Variants in ZFYVE1 observed in about 807,000 individuals in gnomAD.
ZFYVE1 encodes zinc finger FYVE domain-containing protein 1.
ZFYVE1 carries 30 observed loss-of-function variants against 74.4 expected under a neutral mutation model. That is an observed-to-expected ratio of 0.40 (90% CI 0.30 to 0.55). ZFYVE1 has a LOEUF of 0.55. ZFYVE1 is among the 20% of genes least tolerant of loss of function. ZFYVE1 has a pLI of 0.42. For synonymous variants in ZFYVE1, 335 were observed against 385.1 expected, an observed-to-expected ratio of 0.87 and a Z score of 1.52; for missense variants, 703 against 1,011.6, an observed-to-expected ratio of 0.69 and a Z score of 4.14.
At chr14:72,973,551 T>C (rs1003292061) in intron 11 of ZFYVE1, among the ~76,000 whole-genome samples, 7 of 152,070 alleles carry the variant, frequency 4.6e-5, no homozygotes, top group Admixed American at 4.6e-4. Flanking sequence ...TCCTGTCTCT[T>C]GGAACATTAA....
At chr14:72,983,652 C>A (rs1053083647) in intron 4 of ZFYVE1, among the ~76,000 whole-genome samples, 1 of 152,050 alleles carries the variant, frequency 6.6e-6, no homozygotes, top group Non-Finnish European at 1.5e-5. Flanking sequence ...AATAGTGCCG[C>A]AATAAACATA....
At chr14:73,017,117 G>A (rs1339522105) in intron 2 of ZFYVE1, among the ~76,000 whole-genome samples, 1 of 152,016 alleles carries the variant, frequency 6.6e-6, no homozygotes, top group Non-Finnish European at 1.5e-5. Flanking sequence ...GTAAGGCCCT[G>A]TCTCAAAAGA....
chr14:72,983,436 G>A (rs1387210800), intron 4 of ZFYVE1, among the ~76,000 whole-genome samples: 2 of 141,668 alleles, frequency 1.4e-5, no homozygotes, highest in Non-Finnish European at 3.0e-5. Context: ...CCACCTATAA[G>A]TGAGAACATG....
At chr14:72,998,372 A>AC (rs1169609693) in intron 2 of ZFYVE1, 57 bp from the exon 3 acceptor site, 14 of 1,425,772 alleles carry the variant, frequency 9.8e-6, no homozygotes, top group South Asian at 1.5e-5. Flanking sequence ...CACTAGAAAC[A>AC]CCTACAAGAA....
intron 11 of ZFYVE1, among the ~76,000 whole-genome samples, chr14:72,972,481 T>C (rs1203355800): frequency 6.6e-6 from 1 of 152,196 alleles, no homozygotes; most frequent in Non-Finnish European, 1.5e-5. Flanking sequence ...AATCCAGCAA[T>C]TCCTACATCA....
intron 2 of ZFYVE1, among the ~76,000 whole-genome samples, chr14:73,013,539 T>C (rs776908966): frequency 4.0e-5 from 6 of 151,066 alleles, no homozygotes; most frequent in Non-Finnish European, 8.8e-5. Flanking sequence ...ACCCAGGTTG[T>C]AGTAAGCCGA....
intron 2 of ZFYVE1, among the ~76,000 whole-genome samples, chr14:72,999,523 G>A (rs140048012): frequency 6.6e-6 from 1 of 152,006 alleles, no homozygotes; most frequent in African/African-American, 2.4e-5. Context: ...GGAGTTGGAG[G>A]TTACAGTGAA....
intron 2 of ZFYVE1, among the ~76,000 whole-genome samples, chr14:73,020,256 T>G (rs1351467431): frequency 4.8e-5 from 1 of 20,954 alleles, no homozygotes; most frequent in Non-Finnish European, 8.6e-5. Context: ...TGAGACTCCA[T>G]CTCAAAAAAA....
At chr14:72,974,050 T>C in intron 11 of ZFYVE1, 30 bp downstream of exon 11, 1 of 1,606,470 alleles carries the variant, frequency 6.2e-7, no homozygotes, top group Non-Finnish European at 8.5e-7. Context: ...CCGCATCCAC[T>C]ACCCCCAAGA....
At chr14:72,973,443 C>T (rs765969507) in intron 11 of ZFYVE1, among the ~76,000 whole-genome samples, 3 of 151,810 alleles carry the variant, frequency 2.0e-5, no homozygotes, top group Non-Finnish European at 2.9e-5. Flanking sequence ...GAGCCAAGAT[C>T]GCACCACTGT....
rs1031224394 is a variant in ZFYVE1, at chr14:72,975,249, C to G, written c.1807-290G>C. 8 of 502,852 alleles carry G rather than the reference C, an allele frequency of 1.6e-5. No individual in the cohort carries two copies. The highest frequency in any genetic ancestry group is 9.6e-5 in the African/African-American group (5 of 52,276). 31.1% of individuals were successfully genotyped at this position (502,852 alleles called of 1,614,324 possible). ...TGACCCTAAATAACCTCTAAAGACC[C>G]CTTTTCCTCCAGATTCTTATCTGGG... is the stretch of plus-strand genomic sequence containing the variant. On this transcript the variant is annotated intron_variant, in intron 9 of 11. Coordinates refer to ENST00000556143, the MANE Select transcript of ZFYVE1 (RefSeq NM_021260.4). This position sits in a 1 kb window ranked among gnomAD's most constrained non-coding sequence, Gnocchi z 4.1.
chr14:72,982,843 A>G (rs947117510), intron 4 of ZFYVE1, among the ~76,000 whole-genome samples: 1 of 151,782 alleles, frequency 6.6e-6, no homozygotes, highest in African/African-American at 2.4e-5. Flanking sequence ...AAGAACAATT[A>G]GAACTTTTTT....
intron 2 of ZFYVE1, among the ~76,000 whole-genome samples, chr14:73,009,914 C>A (rs1170927989): frequency 6.6e-6 from 1 of 152,034 alleles, no homozygotes; most frequent in Admixed American, 6.6e-5. Flanking sequence ...TAGAGACCAG[C>A]CTGGGCAATA....
chr14:72,975,823 G>T lies in ZFYVE1; in HGVS notation c.1636-102C>A. The T allele has an allele frequency of 7.3e-7, 1 of 1,372,778 alleles. No homozygotes were observed. The allele number at this position is 1,372,778 out of a possible 1,614,324, so 85.0% of individuals were successfully genotyped here. ...TTGCACACTCACCGTGGCCAACTCA[G>T]AACCACTAACTCCCTGGCAGGGAAG... On this transcript the variant is annotated intron_variant, in intron 8 of 11. Transcript: ENST00000556143. This position sits in a 1 kb window ranked among gnomAD's most constrained non-coding sequence, Gnocchi z 4.1.
At chr14:72,990,920 G>C (rs1489093156) in intron 4 of ZFYVE1, among the ~76,000 whole-genome samples, 7 of 151,670 alleles carry the variant, frequency 4.6e-5, no homozygotes, top group Admixed American at 4.6e-4. Context: ...GGCTGGCCTC[G>C]AACTCCTAGC....
chr14:72,971,080 C>A lies in ZFYVE1; in HGVS notation c.2136G>T (p.Trp712Cys). 1.2e-6 allele frequency: 2 copies of A among 1,614,172 alleles called. No homozygotes were observed. Among genetic ancestry groups the A allele is most frequent in the Non-Finnish European group, 1.7e-6 (2 of 1,180,038 alleles). The change falls in exon 12 of 12, where the codon TGG becomes TGT. Residue 712 changes from tryptophan (W) to cysteine (C), a missense_variant. Trp to Cys is a radical substitution (Grantham distance 215). Around this residue, in one of 2 missense-constraint regions of ZFYVE1, gnomAD observed 492 missense variants for 790.0 expected, o/e 0.62. Transcript: ENST00000556143. ...AGTGGAGGATTTCGTGGTCAGGCAC[C>A]CAGTACGCAGGCCTGGCCGCGTCCT... ...LVKDAARPAYWVPDHEILHCH... is the reference protein window; with the variant it reads ...LVKDAARPAYCVPDHEILHCH...
chr14:73,015,385 G>T (rs145257724), intron 2 of ZFYVE1, among the ~76,000 whole-genome samples: 1 of 12,786 alleles, frequency 7.8e-5, no homozygotes, highest in Non-Finnish European at 2.3e-4. Context: ...AGGAAGGGGG[G>T]AAGGAAGAGG....
At chr14:73,021,773 A>C (rs1242124663) in intron 2 of ZFYVE1, among the ~76,000 whole-genome samples, 1 of 152,174 alleles carries the variant, frequency 6.6e-6, no homozygotes, top group African/African-American at 2.4e-5. Context: ...TTATATACAT[A>C]TTACATTCAA....
chr14:73,012,621 CA>C lies in ZFYVE1; in HGVS notation c.483+11404del, dbSNP rs527432890. Among the ~76,000 whole-genome samples, 4 of 149,760 alleles carry C rather than the reference CA, an allele frequency of 2.7e-5. No individual in the cohort carries two copies. The South Asian group carries it at 8.5e-4, about 32-fold the overall frequency. Reference sequence around the variant, plus strand: ...TGGGCAACAGAGGGAGATTTCGTCTCAAAAAAAAAGAACTGTGGGATCCTTG... The same window carrying C: ...TGGGCAACAGAGGGAGATTTCGTCTCAAAAAAAAGAACTGTGGGATCCTTG... On this transcript the variant is annotated intron_variant, in intron 2 of 11. Coordinates refer to ENST00000556143, the MANE Select transcript of ZFYVE1 (RefSeq NM_021260.4).
Sources: gnomAD v4.1 joint callset for allele counts (sites outside exome capture counted in the v4.1 genomes callset) on GRCh38, gnomAD v4.1.1 for gene constraint, gnomAD v4.1.1 regional missense constraint, Gnocchi (gnomAD v3.1) non-coding constraint, MANE v1.5 for transcripts, NCBI Gene and HGNC (gene_info 2026-07-23, HGNC 2026-07-21) for gene names.